The following HERC1 variants were observed in gnomAD, a reference collection of about 807,000 sequenced individuals.
HERC1 encodes HECT and RLD domain containing E3 ubiquitin protein ligase family member 1.
HERC1 carries 160 observed loss-of-function variants against 554.3 expected under a neutral mutation model. That is an observed-to-expected ratio of 0.29 (90% confidence interval 0.25 to 0.33). The LOEUF (loss-of-function observed/expected upper bound fraction) is 0.33. Ranked by LOEUF, HERC1 falls within the 10% of genes least tolerant of loss-of-function variation. The pLI, the probability that HERC1 is intolerant of heterozygous loss-of-function variation, is 1.00. For missense variants in HERC1, 4,919 were observed against 5,918.5 expected, an observed-to-expected ratio of 0.83 and a Z score of 5.54; for synonymous variants, 2,175 against 2,131.7, an observed-to-expected ratio of 1.02 and a Z score of -0.56.
At chr15:63,720,940 A>T (rs553175461) in intron 19 of HERC1, among the ~76,000 whole-genome samples, 1 of 152,210 alleles carries the variant, frequency 6.6e-6, no homozygotes, top group African/African-American at 2.4e-5. Context: ...AACAACAAAG[A>T]ATGTTTCCAC....
At chr15:63,804,127 A>G (rs1391777709) in intron 1 of HERC1, among the ~76,000 whole-genome samples, 1 of 152,216 alleles carries the variant, frequency 6.6e-6, no homozygotes, top group African/African-American at 2.4e-5. Flanking sequence ...ATATACAAAA[A>G]TCAACTCAAA....
At position 63,661,901 on chromosome 15, in the gene HERC1, G is replaced by A. The variant is rs1259922239; in HGVS notation, c.9022C>T (p.Arg3008Cys). 3.7e-6 allele frequency: 6 copies of A among 1,613,838 alleles called. No individual in the cohort carries two copies. The highest frequency in any genetic ancestry group is 1.1e-5 in the South Asian group (1 of 91,076). Residue 3008 changes from arginine (R) to cysteine (C), a missense_variant, in exon 45 of 78, where the codon CGC (arginine) becomes TGC (cysteine). By Grantham distance (180) the Arg-to-Cys change is radical. Coordinates refer to ENST00000443617, the MANE Select transcript of HERC1 (RefSeq NM_003922.4). ...GAACCATTGCTGCGATAGCCCTGGCGGTTTGCACTGCGCCCACAGCCTGGA... is the reference window on the plus strand; with the variant it reads ...GAACCATTGCTGCGATAGCCCTGGCAGTTTGCACTGCGCCCACAGCCTGGA... ...NHPGCGRSAN[R>C]QGYRSNGSYV... is the part of the protein sequence containing the mutation.
intron 48 of HERC1, among the ~76,000 whole-genome samples, chr15:63,656,668 G>A (rs1485143485): frequency 6.6e-6 from 1 of 152,166 alleles, no homozygotes; most frequent in Non-Finnish European, 1.5e-5. Context: ...TCCAGATCAA[G>A]AAACAGAACA....
Position 63,717,545 on chromosome 15 carries a change from T to A in HERC1, c.3978+1029A>T, listed in dbSNP as rs537726890. Reference sequence around the variant, plus strand: ...TCTCCTTTTTGCTGCAAGAATTACTTCTGGACTGTTCTTAATAAGTAGTTT... The same window carrying A: ...TCTCCTTTTTGCTGCAAGAATTACTACTGGACTGTTCTTAATAAGTAGTTT... On this transcript the variant is annotated intron_variant, in intron 21 of 77. Transcript: ENST00000443617. 4.1e-4 allele frequency among the ~76,000 whole-genome samples: 63 copies of A among 152,342 alleles called. 1 individual carries two copies. In the South Asian group the frequency reaches 0.013, roughly 32 times the overall value.
At chr15:63,710,101 A>T (rs1377632663) in intron 24 of HERC1, among the ~76,000 whole-genome samples, 1 of 152,264 alleles carries the variant, frequency 6.6e-6, no homozygotes, top group East Asian at 1.9e-4. Flanking sequence ...TGGTTCCAAA[A>T]GCAGGCAGGT....
chr15:63,760,702 A>T (rs2075583402), intron 3 of HERC1, among the ~76,000 whole-genome samples: 1 of 152,046 alleles, frequency 6.6e-6, no homozygotes, highest in African/African-American at 2.4e-5. Context: ...AATCAGGCAA[A>T]GATCCAACAT....
intron 13 of HERC1, among the ~76,000 whole-genome samples, chr15:63,733,629 G>C (rs2074384326): frequency 6.6e-6 from 1 of 152,172 alleles, no homozygotes; most frequent in Non-Finnish European, 1.5e-5. Flanking sequence ...AAGGCAGGTG[G>C]ATCCGCTTGA....
chr15:63,674,902 T>C lies in HERC1; in HGVS notation c.7286A>G (p.Glu2429Gly). The change falls in exon 38 of 78, where the codon GAG becomes GGG. Residue 2429 changes from glutamate to glycine, a missense_variant. Physicochemically the swap from Glu to Gly is moderately conservative, Grantham distance 98 (BLOSUM62 -2). Transcript: ENST00000443617. ...RHESEEKGDVEQKPESESALD... is the reference protein window; with the variant it reads ...RHESEEKGDVGQKPESESALD... ...AGCGGATTCACTCTCAGGTTTCTGC[T>C]CAACATCCCCTTTCTCCTCGGATTC... 1.2e-6 allele frequency: 2 copies of C among 1,614,058 alleles called. No individual in the cohort carries two copies. The highest frequency in any genetic ancestry group is 1.7e-6 in the Non-Finnish European group (2 of 1,179,894).
chr15:63,731,185 A>C (rs2074276920), intron 14 of HERC1, among the ~76,000 whole-genome samples: 1 of 152,160 alleles, frequency 6.6e-6, no homozygotes, highest in African/African-American at 2.4e-5. Flanking sequence ...TGTTTCTGTT[A>C]TTTCCAACTT....
At chr15:63,628,925 C>G in intron 69 of HERC1, 110 bp from the exon 70 acceptor site, 1 of 974,626 alleles carries the variant, frequency 1.0e-6, no homozygotes, top group Non-Finnish European at 1.5e-6. Context: ...AATAACTGTA[C>G]CATGCATCAG....
At position 63,630,511 on chromosome 15, in the gene HERC1, T is replaced by G; in HGVS notation, c.12921A>C (p.Ala4307=). The G allele has an allele frequency of 6.2e-7, 1 of 1,614,010 alleles. No homozygotes were observed. Residue 4307 remains alanine, a synonymous_variant, in exon 69 of 78, where the codon GCA becomes GCC. Coordinates refer to ENST00000443617, the MANE Select transcript of HERC1 (RefSeq NM_003922.4). ...AVGAEHTLAL[A]SNGDVYAWGS... ...CCCAGGCATACACATCTCCATTTGATGCCAAAGCAAGTGTGTGTTCAGCTC... is the reference window on the plus strand; with the variant it reads ...CCCAGGCATACACATCTCCATTTGAGGCCAAAGCAAGTGTGTGTTCAGCTC...
At position 63,754,655 on chromosome 15, in the gene HERC1, T is replaced by C. The variant is rs775317559; in HGVS notation, c.1631-7A>G. The stretch of plus-strand genomic sequence containing the variant: ...CTATTGCTGTCACCATGACCTTGGA[T>C]AAAACACACACAACAACAAAGAAAC... On this transcript the variant is annotated splice_region_variant and splice_polypyrimidine_tract_variant and intron_variant, in intron 6 of 77. Transcript: ENST00000443617. 26 of 1,610,250 alleles carry C rather than the reference T, an allele frequency of 1.6e-5. No individual in the cohort carries two copies. In the South Asian group the frequency reaches 2.7e-4, roughly 16 times the overall value.
intron 22 of HERC1, among the ~76,000 whole-genome samples, chr15:63,713,980 C>T (rs1289121509): frequency 6.6e-6 from 1 of 152,042 alleles, no homozygotes; most frequent in African/African-American, 2.4e-5. Context: ...CAGCAGTACC[C>T]ACATCATCTG....
chr15:63,767,386 A>G (rs938622720), intron 2 of HERC1, among the ~76,000 whole-genome samples: 1 of 152,124 alleles, frequency 6.6e-6, no homozygotes, highest in South Asian at 2.1e-4. Context: ...CTTTTCATCA[A>G]TCTGTATCTA....
chr15:63,716,852 A>G (rs1422104142), intron 21 of HERC1, among the ~76,000 whole-genome samples: 3 of 152,202 alleles, frequency 2.0e-5, no homozygotes, highest in African/African-American at 7.2e-5. Flanking sequence ...ATTTTCTTCA[A>G]GTTGTTTATG....
chr15:63,793,725 C>T (rs2076724647), intron 1 of HERC1, among the ~76,000 whole-genome samples: 1 of 152,058 alleles, frequency 6.6e-6, no homozygotes, highest in South Asian at 2.1e-4. Context: ...AGAACCCTCT[C>T]TTGGGGTCTG....
intron 12 of HERC1, among the ~76,000 whole-genome samples, chr15:63,744,110 CTGTGTGTGTGTGTGTGTGTGTGTGTG>C (rs142936354): frequency 1.5e-4 from 14 of 93,342 alleles, no homozygotes; most frequent in South Asian, 4.6e-4. Flanking sequence ...CCCAAACAGA[CTGTGTGTGTGTGTGTGTGTGTGTGTG>C]TGTGTGTGTG....
At position 63,727,946 on chromosome 15, in the gene HERC1, C is replaced by T. The variant is rs2074104479; in HGVS notation, c.3155-108G>A. 2 of 821,958 alleles carry T rather than the reference C, an allele frequency of 2.4e-6. No individual in the cohort carries two copies. The highest frequency in any genetic ancestry group is 3.8e-6 in the Non-Finnish European group (2 of 524,848). 50.9% of individuals were successfully genotyped at this position (821,958 alleles called of 1,614,324 possible). A position where few individuals can be genotyped will look rare whatever the true frequency, so the allele number is the denominator to read the frequency against. The stretch of plus-strand genomic sequence containing the variant: ...TTGGAACTAGAGTAGACTCATTCAA[C>T]AACTCTCTGTTGAACACCTACCTGG... On this transcript the variant is annotated intron_variant, in intron 16 of 77. Transcript: ENST00000443617. The surrounding 1 kb of genome is among the most constrained non-coding windows in gnomAD (Gnocchi z 4.3).
chr15:63,611,901 A>G (rs902619537), intron 77 of HERC1, among the ~76,000 whole-genome samples: 2 of 152,232 alleles, frequency 1.3e-5, no homozygotes, highest in African/African-American at 2.4e-5. Flanking sequence ...CAAGGCGCAG[A>G]GGGCCAGGCG....
Sources: allele counts gnomAD v4.1 joint callset (sites outside exome capture counted in the v4.1 genomes callset), GRCh38; gene constraint gnomAD v4.1.1; non-coding constraint Gnocchi (gnomAD v3.1); transcripts MANE v1.5; gene names NCBI Gene and HGNC (gene_info 2026-07-23, HGNC 2026-07-21).